Variants in ABCC9 observed in about 807,000 individuals in gnomAD.
The protein encoded by ABCC9 is ATP-binding cassette sub-family C member 9.
A neutral mutation model predicts 188.3 loss-of-function variants in ABCC9; 95 were observed. The observed-to-expected ratio is 0.50, with a 90% CI of 0.43 to 0.60. The LOEUF (loss-of-function observed/expected upper bound fraction) is 0.60. Ranked by LOEUF, ABCC9 falls within the 20% of genes least tolerant of loss-of-function variation. The pLI, the probability that ABCC9 is intolerant of heterozygous loss-of-function variation, is 0.00. For missense variants in ABCC9, 1,102 were observed against 1,876.3 expected (o/e 0.59, Z 7.62); for synonymous variants, 659 against 652.7 (o/e 1.01, Z -0.15).
intron 15 of ABCC9, among the ~76,000 whole-genome samples, chr12:21,884,751 G>C (rs1946790253): frequency 6.8e-6 from 1 of 146,328 alleles, no homozygotes; most frequent in African/African-American, 2.5e-5. Flanking sequence ...CAGTGGTTCT[G>C]TCACACAGAA....
At chr12:21,808,258 A>G (rs937277143) in intron 37 of ABCC9, among the ~76,000 whole-genome samples, 5 of 152,098 alleles carry the variant, frequency 3.3e-5, no homozygotes, top group East Asian at 1.9e-4. Flanking sequence ...TCTGATTTAC[A>G]TATAAGAGGA....
intron 4 of ABCC9, among the ~76,000 whole-genome samples, chr12:21,927,785 T>C (rs900020836): frequency 1.3e-5 from 2 of 152,122 alleles, no homozygotes; most frequent in East Asian, 1.9e-4. Context: ...GTAATAAAAA[T>C]GTGAAAGTAG....
chr12:21,927,986 G>A (rs185189985), intron 4 of ABCC9, among the ~76,000 whole-genome samples: 3 of 152,206 alleles, frequency 2.0e-5, no homozygotes, highest in East Asian at 1.9e-4. Context: ...TAGCAAGGCC[G>A]AGGTGGGCGG....
At chr12:21,829,416 T>A (rs1000477941) in intron 30 of ABCC9, among the ~76,000 whole-genome samples, 4 of 152,054 alleles carry the variant, frequency 2.6e-5, no homozygotes, top group African/African-American at 4.8e-5. Context: ...TTAGCCAGGA[T>A]GGTCTCGATC....
At chr12:21,855,419 A>C (rs1349785194) in intron 22 of ABCC9, among the ~76,000 whole-genome samples, 1 of 151,968 alleles carries the variant, frequency 6.6e-6, no homozygotes, top group African/African-American at 2.4e-5. Flanking sequence ...ATGGGGTTTC[A>C]CCATGTTGGT....
At chr12:21,875,811 G>A (rs887668995) in intron 16 of ABCC9, 85 bp from the exon 17 acceptor site, 58 of 1,127,742 alleles carry the variant, frequency 5.1e-5, no homozygotes, top group Non-Finnish European at 6.3e-5. Context: ...TAGGCCAGGC[G>A]CAGTGGCTCA....
At chr12:21,940,013 G>A (rs1038629038) in intron 2 of ABCC9, among the ~76,000 whole-genome samples, 11 of 152,150 alleles carry the variant, frequency 7.2e-5, no homozygotes, top group South Asian at 2.1e-4. Flanking sequence ...TGCAAGACAC[G>A]AGCAGTAGTT....
At chr12:21,817,590 A>C (rs542130268) in intron 32 of ABCC9, among the ~76,000 whole-genome samples, 1 of 152,214 alleles carries the variant, frequency 6.6e-6, no homozygotes, top group East Asian at 1.9e-4. Context: ...CACTTATCTC[A>C]TGTATATTCA....
At chr12:21,865,366 CAG>C (rs1350917361) in intron 18 of ABCC9, among the ~76,000 whole-genome samples, 4 of 152,006 alleles carry the variant, frequency 2.6e-5, no homozygotes, top group Non-Finnish European at 5.9e-5. Context: ...GGATGGCTGA[CAG>C]AGGCAAAAAA....
At chr12:21,884,940 A>G (rs866473834) in intron 15 of ABCC9, among the ~76,000 whole-genome samples, 1 of 152,204 alleles carries the variant, frequency 6.6e-6, no homozygotes, top group Non-Finnish European at 1.5e-5. Context: ...GTCTACACCT[A>G]CATATAAAAT....
intron 31 of ABCC9, among the ~76,000 whole-genome samples, chr12:21,825,353 T>C (rs1037046536): frequency 2.2e-4 from 33 of 152,306 alleles, no homozygotes; most frequent in Admixed American, 1.5e-3. Flanking sequence ...TATATGTTTA[T>C]TGCAGCACTG....
At chr12:21,879,359 T>G (rs549833483) in intron 16 of ABCC9, among the ~76,000 whole-genome samples, 2 of 152,192 alleles carry the variant, frequency 1.3e-5, no homozygotes, top group South Asian at 4.1e-4. Flanking sequence ...AGGAGCCAGA[T>G]AGACACAAAA....
At chr12:21,808,638 G>A (rs1942019158) in intron 37 of ABCC9, among the ~76,000 whole-genome samples, 1 of 151,858 alleles carries the variant, frequency 6.6e-6, no homozygotes, top group African/African-American at 2.4e-5. Context: ...GGCATAGTGG[G>A]GCACCTATAG....
chr12:21,940,341 C>T (rs1176623752), intron 2 of ABCC9, among the ~76,000 whole-genome samples: 1 of 152,212 alleles, frequency 6.6e-6, no homozygotes, highest in Non-Finnish European at 1.5e-5. Flanking sequence ...TTTTAAAGAA[C>T]TTAGGGCTTT....
chr12:21,807,261 G>T, intron 38 of ABCC9, 85 bp downstream of exon 38: 1 of 1,580,148 alleles, frequency 6.3e-7, no homozygotes, highest in Non-Finnish European at 8.7e-7. Flanking sequence ...TGAGGATTCA[G>T]AACCCAATCA....
chr12:21,886,595 A>G (rs1946885223), intron 15 of ABCC9, among the ~76,000 whole-genome samples: 1 of 152,198 alleles, frequency 6.6e-6, no homozygotes, highest in Non-Finnish European at 1.5e-5. Flanking sequence ...GAAAACAACA[A>G]CATAATCTTT....
intron 5 of ABCC9, among the ~76,000 whole-genome samples, chr12:21,922,113 G>C (rs1199919626): frequency 6.6e-6 from 1 of 151,928 alleles, no homozygotes; most frequent in African/African-American, 2.4e-5. Flanking sequence ...AATGTCATTG[G>C]TATTTTGATA....
intron 17 of ABCC9, among the ~76,000 whole-genome samples, chr12:21,874,423 T>C (rs1858792939): frequency 1.3e-5 from 2 of 152,176 alleles, no homozygotes; most frequent in Non-Finnish European, 1.5e-5. Context: ...TGTAGAATTG[T>C]GCAGCCAACA....
intron 37 of ABCC9, among the ~76,000 whole-genome samples, chr12:21,807,849 T>C (rs973092067): frequency 3.3e-5 from 5 of 152,310 alleles, no homozygotes; most frequent in Non-Finnish European, 5.9e-5. Context: ...TTAGCTAATT[T>C]GATAAGATAC....
Sources: allele counts gnomAD v4.1 joint callset (sites outside exome capture counted in the v4.1 genomes callset), GRCh38; gene constraint gnomAD v4.1.1; transcripts MANE v1.5; gene names NCBI Gene and HGNC (gene_info 2026-07-23, HGNC 2026-07-21).